ANKRD30B: variants seen among roughly 807,000 people sequenced by gnomAD.
ANKRD30B encodes ankyrin repeat domain 30B.
A neutral mutation model predicts 202.2 loss-of-function variants in ANKRD30B; 144 were observed. The observed-to-expected ratio is 0.71, with a 90% CI of 0.62 to 0.82. The LOEUF (loss-of-function observed/expected upper bound fraction) is 0.82, where lower values mean the gene tolerates loss of function less well. ANKRD30B is among the 40% of genes least tolerant of loss of function. The probability of loss-of-function intolerance (pLI) is 0.00; values close to 1 mark genes in which losing one functional copy is unlikely to be tolerated. For missense variants in ANKRD30B, 1,487 were observed against 1,669.1 expected, an observed-to-expected ratio of 0.89 and a Z score of 1.90; for synonymous variants, 508 against 561.3, an observed-to-expected ratio of 0.91 and a Z score of 1.34.
chr18:14,873,524 CAAAAAAA>C, the ANKRD30B span, among the ~76,000 whole-genome samples: 20 of 90,636 alleles, frequency 2.2e-4, no homozygotes, highest in East Asian at 3.9e-3. Context: ...GACTCCGTTT[CAAAAAAA>C]AAAAAAAAAA....
chr18:14,764,569 A>G (rs1915799483), intron 7 of ANKRD30B, among the ~76,000 whole-genome samples: 2 of 151,112 alleles, frequency 1.3e-5, no homozygotes, highest in South Asian at 4.2e-4. Context: ...GATTTTTTGT[A>G]TTTTTAGTAG....
At chr18:14,865,418 C>G in the ANKRD30B span, among the ~76,000 whole-genome samples, 3 of 151,226 alleles carry the variant, frequency 2.0e-5, no homozygotes, top group Non-Finnish European at 4.4e-5. Flanking sequence ...ATCTTTTTAC[C>G]TACAGTCTTC....
At chr18:14,933,994 C>T in the ANKRD30B span, among the ~76,000 whole-genome samples, 5 of 152,344 alleles carry the variant, frequency 3.3e-5, no homozygotes, top group African/African-American at 7.2e-5. Context: ...GCCCGCCTCC[C>T]GCCTCTGGAT....
chr18:14,748,231 C>T lies in ANKRD30B; in HGVS notation c.-189C>T. 3 of 511,606 alleles carry T rather than the reference C, an allele frequency of 5.9e-6. No individual in the cohort carries two copies. Among genetic ancestry groups the T allele is most frequent in the African/African-American group, 1.9e-5 (1 of 51,732 alleles). 31.7% of individuals were successfully genotyped at this position (511,606 alleles called of 1,614,324 possible). ...GCTCAGAATTTCTCCCGACAGAGGCCGGAGTGTTCAAGAGCTTGGCGATAC... is the reference window on the plus strand; with the variant it reads ...GCTCAGAATTTCTCCCGACAGAGGCTGGAGTGTTCAAGAGCTTGGCGATAC... On this transcript the variant is annotated 5_prime_UTR_variant, in exon 1 of 44. Coordinates refer to ENST00000690538, the MANE Select transcript of ANKRD30B (RefSeq NM_001367607.2).
rs757471506 is a variant in ANKRD30B at position 14,752,883 on chromosome 18, T to A, written c.381T>A (p.Asp127Glu). 1.2e-5 allele frequency: 19 copies of A among 1,609,246 alleles called. No individual in the cohort carries two copies. In the Admixed American group the frequency reaches 3.2e-4, roughly 27 times the overall value. ...EREACANILI[D>E]AGADLNYVDV... is the part of the protein sequence containing the mutation. ...AGGCTTGTGCAAATATTCTCATAGA[T>A]GCTGGTGCTGATCTAAATTATGTAG... Residue 127 changes from aspartate to glutamate, a missense_variant, in exon 3 of 44, where the codon GAT (aspartate) becomes GAA (glutamate). Transcript: ENST00000690538.
At chr18:14,827,094 C>A (rs1350987249) in intron 32 of ANKRD30B, among the ~76,000 whole-genome samples, 1 of 152,086 alleles carries the variant, frequency 6.6e-6, no homozygotes, top group East Asian at 1.9e-4. Flanking sequence ...CTAATTATTT[C>A]TTGCTGTCTG....
chr18:14,788,640 C>T (rs1214530242), intron 15 of ANKRD30B, among the ~76,000 whole-genome samples: 2 of 151,430 alleles, frequency 1.3e-5, no homozygotes, highest in South Asian at 2.1e-4. Context: ...TGAGAATATG[C>T]GGTGTTTGGT....
At chr18:14,890,072 T>A in the ANKRD30B span, 86 of 1,271,132 alleles carry the variant, frequency 6.8e-5, no homozygotes, top group Non-Finnish European at 9.2e-5. Context: ...CAACTGCCAC[T>A]GTCCTGATTT....
chr18:14,836,925 C>T lies in ANKRD30B; in HGVS notation c.2848-286C>T, dbSNP rs1842264562. 2.0e-5 allele frequency among the ~76,000 whole-genome samples: 3 copies of T among 152,028 alleles called. No homozygotes were observed. In the South Asian group the frequency reaches 6.2e-4, roughly 32 times the overall value. ...AACTGATTTTTCTCTCCTTTGTGCC[C>T]TTATGTATTTTATTGACTTAAATTG... is the stretch of plus-strand genomic sequence containing the variant. On this transcript the variant is annotated intron_variant, in intron 34 of 43. Coordinates refer to ENST00000690538, the MANE Select transcript of ANKRD30B (RefSeq NM_001367607.2).
chr18:14,748,391 CGGGCTCTCTCTAGCAGG>C lies in ANKRD30B; in HGVS notation c.-23_-7del. The C allele has an allele frequency of 7.1e-7, 1 of 1,415,130 alleles. No homozygotes were observed. The highest frequency in any genetic ancestry group is 1.6e-5 in the South Asian group (1 of 64,416). The allele number at this position is 1,415,130 out of a possible 1,614,324, so 87.7% of individuals were successfully genotyped here. The stretch of plus-strand genomic sequence containing the variant: ...GCTGGGGAAGGGCGAGCGGGAGGCG[CGGGCTCTCTCTAGCAGG>C]GGGCTGCAGCCATGAAGAGGCTCTT... On this transcript the variant is annotated 5_prime_UTR_variant, in exon 1 of 44. Transcript: ENST00000690538.
At chr18:14,817,399 G>A (rs1020995901) in intron 30 of ANKRD30B, among the ~76,000 whole-genome samples, 5 of 152,202 alleles carry the variant, frequency 3.3e-5, no homozygotes, top group Admixed American at 6.5e-5. Context: ...AACAAAGGCA[G>A]TATTCCCCTG....
At chr18:14,875,255 A>T in the ANKRD30B span, among the ~76,000 whole-genome samples, 1 of 152,192 alleles carries the variant, frequency 6.6e-6, no homozygotes, top group African/African-American at 2.4e-5. Context: ...ATAACCTTGC[A>T]GACTTTCGGG....
intron 4 of ANKRD30B, among the ~76,000 whole-genome samples, chr18:14,756,219 T>G (rs1914334814): frequency 6.6e-6 from 1 of 152,248 alleles, no homozygotes; most frequent in African/African-American, 2.4e-5. Flanking sequence ...GAAGTGTCTG[T>G]TCATACCCTT....
chr18:14,936,095 T>C, the ANKRD30B span, among the ~76,000 whole-genome samples: 11 of 152,302 alleles, frequency 7.2e-5, no homozygotes, highest in Middle Eastern at 0.014. Flanking sequence ...GCTGCAGTGT[T>C]GCAAGGGAAC....
the ANKRD30B span, among the ~76,000 whole-genome samples, chr18:14,916,829 T>C: frequency 6.6e-6 from 1 of 152,160 alleles, no homozygotes; most frequent in Admixed American, 6.5e-5. Flanking sequence ...TTCCTTAATG[T>C]TCTTAATGAT....
chr18:14,758,066 T>A, intron 5 of ANKRD30B, 114 bp downstream of exon 5: 1 of 1,161,802 alleles, frequency 8.6e-7, no homozygotes, highest in Non-Finnish European at 1.2e-6. Flanking sequence ...AAAGCCAGAC[T>A]AGTTAGAAGG....
downstream of ANKRD30B, among the ~76,000 whole-genome samples, chr18:14,858,957 T>G (rs1428352528): frequency 1.4e-5 from 1 of 70,812 alleles, no homozygotes; most frequent in Non-Finnish European, 2.7e-5. Flanking sequence ...TGAGGCGGCC[T>G]GGCAGAGGAA....
chr18:14,809,602 T>A (rs1237064321), intron 26 of ANKRD30B, among the ~76,000 whole-genome samples: 1 of 150,862 alleles, frequency 6.6e-6, no homozygotes, highest in East Asian at 1.9e-4. Flanking sequence ...TATGAACATA[T>A]GCCTTTCTGG....
At chr18:14,819,619 A>G (rs1053701034) in intron 30 of ANKRD30B, among the ~76,000 whole-genome samples, 1 of 152,086 alleles carries the variant, frequency 6.6e-6, no homozygotes, top group African/African-American at 2.4e-5. Flanking sequence ...TTAAATAGGG[A>G]ATCCTTTCCC....
Sources: gnomAD v4.1 joint callset for allele counts (sites outside exome capture counted in the v4.1 genomes callset) on GRCh38, gnomAD v4.1.1 for gene constraint, MANE v1.5 for transcripts, NCBI Gene and HGNC (gene_info 2026-07-23, HGNC 2026-07-21) for gene names.